Variants in TUSC3 observed in about 807,000 individuals in gnomAD.
TUSC3 encodes tumor suppressor candidate 3.
In TUSC3, 45 loss-of-function variants were observed where a neutral mutation model predicts 44.8. The ratio of observed to expected loss-of-function variants is 1.00; its 90% CI spans 0.79 to 1.29. The LOEUF (loss-of-function observed/expected upper bound fraction) is 1.29. Ranked by LOEUF, TUSC3 falls within the 50% of genes most tolerant of loss-of-function variation. The probability of loss-of-function intolerance (pLI) is 0.00; values close to 1 mark genes in which losing one functional copy is unlikely to be tolerated. For synonymous variants in TUSC3, 212 were observed against 152.9 expected, an observed-to-expected ratio of 1.39 and a Z score of -2.85; for missense variants, 519 against 437.9, an observed-to-expected ratio of 1.19 and a Z score of -1.65.
chr8:15,432,158 C>T (rs1384745437), intron 1 of TUSC3, among the ~76,000 whole-genome samples: 2 of 151,936 alleles, frequency 1.3e-5, no homozygotes, highest in Non-Finnish European at 2.9e-5. Context: ...CCTCCTCAAT[C>T]ATCTGGAAGA....
At chr8:15,442,281 T>C (rs1405324278) in intron 1 of TUSC3, among the ~76,000 whole-genome samples, 2 of 152,150 alleles carry the variant, frequency 1.3e-5, no homozygotes, top group Non-Finnish European at 2.9e-5. Flanking sequence ...ACATTATTTC[T>C]CTAAGAAAGT....
chr8:15,474,412 A>G (rs1800547279), intron 1 of TUSC3, among the ~76,000 whole-genome samples: 2 of 152,188 alleles, frequency 1.3e-5, no homozygotes, highest in Admixed American at 1.3e-4. Flanking sequence ...TAAGAGTATT[A>G]TTTGGAAACT....
intron 1 of TUSC3, among the ~76,000 whole-genome samples, chr8:15,423,993 T>TG (rs1799774443): frequency 1.5e-5 from 2 of 134,720 alleles, no homozygotes; most frequent in Admixed American, 7.9e-5. Flanking sequence ...TTTTTTTTTT[T>TG]TTTTTTTTTT....
the TUSC3 span, among the ~76,000 whole-genome samples, chr8:15,790,415 C>T: frequency 6.6e-6 from 1 of 151,994 alleles, no homozygotes; most frequent in Admixed American, 6.6e-5. Context: ...CATGTCTTAA[C>T]CTCATGATCC....
chr8:15,439,431 C>G (rs776608332), intron 1 of TUSC3, among the ~76,000 whole-genome samples: 2 of 152,134 alleles, frequency 1.3e-5, no homozygotes, highest in Non-Finnish European at 2.9e-5. Flanking sequence ...GTAGGATGTT[C>G]CTGTAGTTCC....
intron 8 of TUSC3, among the ~76,000 whole-genome samples, chr8:15,746,717 A>C (rs578143018): frequency 6.6e-6 from 1 of 152,100 alleles, no homozygotes; most frequent in African/African-American, 2.4e-5. Context: ...AGGGAATGAA[A>C]AGAGTGCTTT....
At chr8:15,815,757 T>C in the TUSC3 span, among the ~76,000 whole-genome samples, 3 of 152,180 alleles carry the variant, frequency 2.0e-5, no homozygotes, top group Admixed American at 6.6e-5. Flanking sequence ...TTGATTCAGA[T>C]AAATTACATT....
At chr8:15,717,473 A>G (rs1004862868) in intron 6 of TUSC3, among the ~76,000 whole-genome samples, 1 of 152,054 alleles carries the variant, frequency 6.6e-6, no homozygotes, top group African/African-American at 2.4e-5. Flanking sequence ...AATCATATCT[A>G]TCTCCAGACT....
chr8:15,597,648 A>G (rs1804125861), intron 1 of TUSC3, among the ~76,000 whole-genome samples: 1 of 152,144 alleles, frequency 6.6e-6, no homozygotes, highest in South Asian at 2.1e-4. Context: ...AGTAAGCTAA[A>G]TACACATTGA....
At chr8:15,781,539 C>A in the TUSC3 span, among the ~76,000 whole-genome samples, 1 of 151,746 alleles carries the variant, frequency 6.6e-6, no homozygotes, top group Admixed American at 6.6e-5. Context: ...GCTTTTTCAA[C>A]AGAAACCTTG....
the TUSC3 span, among the ~76,000 whole-genome samples, chr8:15,816,294 T>G: frequency 1.3e-5 from 2 of 152,142 alleles, no homozygotes; most frequent in Non-Finnish European, 1.5e-5. Context: ...ATTCTTTGAG[T>G]TGGGCCATCC....
chr8:15,802,854 ACTG>A, the TUSC3 span, among the ~76,000 whole-genome samples: 1 of 152,054 alleles, frequency 6.6e-6, no homozygotes, highest in African/African-American at 2.4e-5. Flanking sequence ...AAAATCACTA[ACTG>A]CGTTCATACT....
At chr8:15,617,626 C>T (rs1805055433) in intron 1 of TUSC3, among the ~76,000 whole-genome samples, 1 of 152,168 alleles carries the variant, frequency 6.6e-6, no homozygotes. Flanking sequence ...AGTGGTAATA[C>T]ATACCTCTGT....
the TUSC3 span, among the ~76,000 whole-genome samples, chr8:15,829,256 T>A: frequency 2.0e-5 from 3 of 152,186 alleles, no homozygotes; most frequent in East Asian, 3.8e-4. Flanking sequence ...ACTTCACTCA[T>A]GTCAATTTAT....
chr8:15,718,773 T>G (rs1481934481), intron 6 of TUSC3, among the ~76,000 whole-genome samples: 1 of 152,238 alleles, frequency 6.6e-6, no homozygotes, highest in Non-Finnish European at 1.5e-5. Flanking sequence ...TGGTCTATAT[T>G]TGTATTACTA....
the TUSC3 span, among the ~76,000 whole-genome samples, chr8:15,786,640 C>T: frequency 2.7e-4 from 41 of 152,024 alleles, no homozygotes; most frequent in African/African-American, 9.4e-4. Flanking sequence ...ATACAGAAAA[C>T]TCATTAAAGA....
At chr8:15,826,433 A>C in the TUSC3 span, among the ~76,000 whole-genome samples, 3 of 152,210 alleles carry the variant, frequency 2.0e-5, no homozygotes, top group Non-Finnish European at 4.4e-5. Context: ...ATAGAAAAAT[A>C]AGATTCTTCT....
chr8:15,540,791 C>T lies in TUSC3; in HGVS notation c.138+223C>T, dbSNP rs531268329. Among the ~76,000 whole-genome samples, 11 of 152,326 alleles carry T rather than the reference C, an allele frequency of 7.2e-5. No individual in the cohort carries two copies. In the South Asian group the frequency reaches 1.7e-3, roughly 23 times the overall value. ...CGACGGCAAAGCGTGTTCTTGACTG[C>T]TTCTGAGCACCTCACACCTTTCAGA... On this transcript the variant is annotated intron_variant, in intron 1 of 10. Transcript: ENST00000503731.
At chr8:15,455,430 C>G (rs1170884539) in intron 1 of TUSC3, among the ~76,000 whole-genome samples, 1 of 151,916 alleles carries the variant, frequency 6.6e-6, no homozygotes, top group Admixed American at 6.6e-5. Context: ...CCTATGTATA[C>G]ACGTATATGT....
Sources: gnomAD v4.1 joint callset for allele counts (sites outside exome capture counted in the v4.1 genomes callset) on GRCh38, gnomAD v4.1.1 for gene constraint, MANE v1.5 for transcripts, NCBI Gene and HGNC (gene_info 2026-07-23, HGNC 2026-07-21) for gene names.